Variants in TMEM232 observed in about 807,000 individuals in gnomAD.
TMEM232 encodes the protein transmembrane protein 232.
Under a neutral mutation model 78.8 loss-of-function variants are expected in TMEM232, and 80 were observed. The ratio of observed to expected loss-of-function variants is 1.01; its 90% CI spans 0.85 to 1.22. The LOEUF is 1.22. TMEM232 is among the 50% of genes most tolerant of loss of function. TMEM232 has a pLI of 0.00. For missense variants in TMEM232, 881 were observed against 742.2 expected, an observed-to-expected ratio of 1.19 and a Z score of -2.17; for synonymous variants, 297 against 254.3, an observed-to-expected ratio of 1.17 and a Z score of -1.60.
intron 12 of TMEM232, among the ~76,000 whole-genome samples, chr5:110,499,013 G>A (rs1765919885): frequency 6.6e-6 from 1 of 152,098 alleles, no homozygotes; most frequent in South Asian, 2.1e-4. Context: ...ATATCTTGAG[G>A]ATGCTTACAG....
intron 1 of TMEM232, among the ~76,000 whole-genome samples, chr5:110,712,042 C>T (rs1158097019): frequency 7.0e-6 from 1 of 142,032 alleles, no homozygotes. Context: ...GCAGAGCTTG[C>T]AGTGAGCAGA....
chr5:110,573,813 A>C (rs1281296958), intron 10 of TMEM232, among the ~76,000 whole-genome samples: 1 of 152,230 alleles, frequency 6.6e-6, no homozygotes, highest in East Asian at 1.9e-4. Flanking sequence ...GTGGAGGATG[A>C]AAAATGCAAA....
At chr5:110,679,801 T>C (rs1462981833) in intron 1 of TMEM232, among the ~76,000 whole-genome samples, 2 of 152,208 alleles carry the variant, frequency 1.3e-5, no homozygotes, top group Admixed American at 1.3e-4. Context: ...GTGTTATATT[T>C]GTGTAGATTA....
In TMEM232 at chr5:110,580,883, G is replaced by C. The variant is rs188916715; in HGVS notation, c.1277-12258C>G. ...GAAACTACCAACTAATAGTGGATGA[G>C]AGCCAAATCAAGAATGCAATCCCAT... On this transcript the variant is annotated intron_variant, in intron 10 of 13. Transcript: ENST00000455884. 1.6e-3 allele frequency among the ~76,000 whole-genome samples: 238 copies of C among 151,614 alleles called. 2 individuals are homozygous for C. The highest frequency in any genetic ancestry group is 5.5e-3 in the African/African-American group (230 of 41,452).
intron 2 of TMEM232, among the ~76,000 whole-genome samples, chr5:110,657,891 CT>C (rs1277138370): frequency 6.6e-6 from 1 of 151,932 alleles, no homozygotes; most frequent in African/African-American, 2.4e-5. Context: ...ATTGACTACT[CT>C]TTTGATAAGT....
chr5:110,416,270 T>C (rs1283592789), downstream of TMEM232, among the ~76,000 whole-genome samples: 2 of 152,238 alleles, frequency 1.3e-5, no homozygotes, highest in Non-Finnish European at 2.9e-5. Context: ...ACTGAATTTG[T>C]TCCTACACAT....
At chr5:110,404,858 T>C (rs902241825) in intron 2 of TMEM232, among the ~76,000 whole-genome samples, 2 of 152,008 alleles carry the variant, frequency 1.3e-5, no homozygotes, top group African/African-American at 4.8e-5. Flanking sequence ...AGGCCTGATG[T>C]TGATGAAGAG....
intron 12 of TMEM232, chr5:110,514,017 A>G (rs960263910): frequency 1.8e-5 from 3 of 168,904 alleles, no homozygotes; most frequent in African/African-American, 7.2e-5. Flanking sequence ...ATCTAAGCCA[A>G]TGATCCAACC....
chr5:110,672,842 A>ATTATTG (rs1405488503), intron 1 of TMEM232, among the ~76,000 whole-genome samples: 36 of 152,116 alleles, frequency 2.4e-4, no homozygotes, highest in African/African-American at 8.2e-4. Context: ...TATTATTATT[A>ATTATTG]TTATTATTGC....
intron 12 of TMEM232, among the ~76,000 whole-genome samples, chr5:110,474,949 ATT>A (rs1561541088): frequency 6.6e-6 from 1 of 151,940 alleles, no homozygotes; most frequent in Non-Finnish European, 1.5e-5. Flanking sequence ...TATTGAAACA[ATT>A]TTTCAGTGCA....
intron 2 of TMEM232, among the ~76,000 whole-genome samples, chr5:110,732,175 CT>C (rs1798731989): frequency 6.6e-6 from 1 of 152,202 alleles, no homozygotes; most frequent in African/African-American, 2.4e-5. Flanking sequence ...CCACCTCAGC[CT>C]GGACCTTATT....
At chr5:110,425,084 C>A (rs1423197723) in intron 12 of TMEM232, among the ~76,000 whole-genome samples, 168 bp from the exon 13 acceptor site, 1 of 151,960 alleles carries the variant, frequency 6.6e-6, no homozygotes, top group Non-Finnish European at 1.5e-5. Flanking sequence ...TTTTGTAAGC[C>A]ATCTTGGGTC....
chr5:110,689,510 C>A (rs139193427), intron 1 of TMEM232, among the ~76,000 whole-genome samples: 3 of 151,872 alleles, frequency 2.0e-5, no homozygotes, highest in South Asian at 2.1e-4. Context: ...CTTTAGAAAC[C>A]CTTGGACAAG....
intron 2 of TMEM232, among the ~76,000 whole-genome samples, chr5:110,646,388 TGGA>T (rs1198404789): frequency 6.6e-6 from 1 of 151,592 alleles, no homozygotes; most frequent in Non-Finnish European, 1.5e-5. Context: ...TAAAAGCCAA[TGGA>T]GGAGAATCAA....
intron 1 of TMEM232, among the ~76,000 whole-genome samples, chr5:110,695,937 T>C (rs1285642338): frequency 6.6e-6 from 1 of 152,152 alleles, no homozygotes; most frequent in African/African-American, 2.4e-5. Context: ...GAGGGAATCC[T>C]CCCTAACTCA....
chr5:110,508,865 T>C (rs888145607), intron 12 of TMEM232, among the ~76,000 whole-genome samples: 52 of 144,736 alleles, frequency 3.6e-4, no homozygotes, highest in East Asian at 5.9e-4. Flanking sequence ...TATATATATA[T>C]ACACACACAC....
intron 1 of TMEM232, among the ~76,000 whole-genome samples, chr5:110,686,515 C>T (rs1793427139): frequency 6.6e-6 from 1 of 151,696 alleles, no homozygotes; most frequent in African/African-American, 2.4e-5. Flanking sequence ...GGAGATACCC[C>T]AAATGATAAT....
intron 12 of TMEM232, among the ~76,000 whole-genome samples, chr5:110,516,055 C>T (rs1372442591): frequency 1.3e-5 from 2 of 152,062 alleles, no homozygotes; most frequent in South Asian, 2.1e-4. Flanking sequence ...CTGGCTAACA[C>T]GGTGAAACCC....
At chr5:110,464,726 A>G (rs1437052737) in intron 12 of TMEM232, among the ~76,000 whole-genome samples, 2 of 152,212 alleles carry the variant, frequency 1.3e-5, no homozygotes, top group African/African-American at 2.4e-5. Flanking sequence ...AACAAAAGAG[A>G]TAACTAGGAT....
Sources: allele counts gnomAD v4.1 joint callset (sites outside exome capture counted in the v4.1 genomes callset), GRCh38; gene constraint gnomAD v4.1.1; transcripts MANE v1.5; gene names NCBI Gene and HGNC (gene_info 2026-07-23, HGNC 2026-07-21).